The following GRM7 variants were observed in gnomAD, a reference collection of about 807,000 sequenced individuals.
GRM7 encodes glutamate metabotropic receptor 7, also known as metabotropic glutamate receptor 7.
Under a neutral mutation model 84.5 loss-of-function variants are expected in GRM7, and 35 were observed. That is an observed-to-expected ratio of 0.41 (90% CI 0.32 to 0.55). The LOEUF is 0.55. Among genes scored for constraint, GRM7 ranks in the 20% least tolerant of loss-of-function variants. The pLI is 0.19. For missense variants in GRM7, 1,003 were observed against 1,194.6 expected (o/e 0.84, Z 2.36); for synonymous variants, 487 against 455.1 (o/e 1.07, Z -0.89).
intron 4 of GRM7, among the ~76,000 whole-genome samples, chr3:7,380,328 C>A (rs1694534743): frequency 6.7e-6 from 1 of 149,616 alleles, no homozygotes; most frequent in African/African-American, 2.5e-5. Context: ...TAAGAAAACA[C>A]AGAAGTTATC....
chr3:7,564,819 A>G (rs957418544), intron 7 of GRM7, among the ~76,000 whole-genome samples: 10 of 152,158 alleles, frequency 6.6e-5, no homozygotes, highest in African/African-American at 2.4e-4. Context: ...CGATGAAGCC[A>G]GGCTTTGAAC....
At chr3:7,445,901 A>T (rs1028549217) in intron 5 of GRM7, among the ~76,000 whole-genome samples, 13 of 152,100 alleles carry the variant, frequency 8.5e-5, no homozygotes, top group African/African-American at 2.9e-4. Context: ...GAACCCAGCA[A>T]CATTCTGTAA....
intron 4 of GRM7, among the ~76,000 whole-genome samples, chr3:7,401,973 A>G (rs989847339): frequency 6.6e-6 from 1 of 152,174 alleles, no homozygotes; most frequent in African/African-American, 2.4e-5. Flanking sequence ...AGCAAGGAAT[A>G]TATCAAGGCC....
At chr3:7,408,552 G>A (rs968265630) in intron 4 of GRM7, among the ~76,000 whole-genome samples, 3 of 152,084 alleles carry the variant, frequency 2.0e-5, no homozygotes, top group African/African-American at 7.2e-5. Context: ...TAGCCAAGCC[G>A]ATTTACATGT....
chr3:7,657,326 G>A (rs1038000867), intron 8 of GRM7, among the ~76,000 whole-genome samples: 5 of 152,136 alleles, frequency 3.3e-5, no homozygotes, highest in Admixed American at 2.0e-4. Context: ...GCCATAACAC[G>A]CTGGTTAGAA....
intron 2 of GRM7, among the ~76,000 whole-genome samples, chr3:7,155,035 G>A (rs770568516): frequency 1.3e-5 from 2 of 152,040 alleles, no homozygotes; most frequent in Non-Finnish European, 2.9e-5. Context: ...AAAGTTTCAA[G>A]GATAGCCAGA....
intron 1 of GRM7, among the ~76,000 whole-genome samples, chr3:7,090,839 T>A (rs528494172): frequency 1.3e-5 from 2 of 152,190 alleles, no homozygotes; most frequent in African/African-American, 4.8e-5. Context: ...CCATGAGTCT[T>A]TGAAGTGCTT....
chr3:7,327,905 C>T (rs1409827135), intron 4 of GRM7, among the ~76,000 whole-genome samples: 1 of 152,176 alleles, frequency 6.6e-6, no homozygotes, highest in African/African-American at 2.4e-5. Context: ...TGTATCAGAA[C>T]ATTGTAAGTC....
chr3:7,291,536 CT>C (rs1699626199), intron 2 of GRM7, among the ~76,000 whole-genome samples: 1 of 111,302 alleles, frequency 9.0e-6, no homozygotes, highest in Non-Finnish European at 1.8e-5. Flanking sequence ...CTCTCTCTCT[CT>C]CTCTCTCTCT....
At chr3:6,999,493 A>G (rs1281576175) in intron 1 of GRM7, among the ~76,000 whole-genome samples, 2 of 152,132 alleles carry the variant, frequency 1.3e-5, no homozygotes, top group African/African-American at 4.8e-5. Flanking sequence ...TTGCTTCCAC[A>G]ATCGGGTACC....
chr3:7,172,344 A>G (rs1201945437), intron 2 of GRM7, among the ~76,000 whole-genome samples: 2 of 152,174 alleles, frequency 1.3e-5, no homozygotes, highest in Non-Finnish European at 2.9e-5. Flanking sequence ...TTCCAAAGGT[A>G]AGGAAGTGAA....
chr3:7,232,396 C>T (rs1697221753), intron 2 of GRM7, among the ~76,000 whole-genome samples: 1 of 152,118 alleles, frequency 6.6e-6, no homozygotes, highest in African/African-American at 2.4e-5. Context: ...GCTGGAAAGA[C>T]CCTAAGCATT....
chr3:7,232,708 T>C (rs964271397), intron 2 of GRM7, among the ~76,000 whole-genome samples: 1 of 152,186 alleles, frequency 6.6e-6, no homozygotes, highest in Non-Finnish European at 1.5e-5. Flanking sequence ...ATTTAACTTA[T>C]TGATTCAATA....
At chr3:7,233,056 C>T (rs548285661) in intron 2 of GRM7, among the ~76,000 whole-genome samples, 21 of 152,256 alleles carry the variant, frequency 1.4e-4, no homozygotes, top group African/African-American at 4.6e-4. Context: ...GTGTTGAATA[C>T]ATTTAAAGCT....
intron 1 of GRM7, among the ~76,000 whole-genome samples, chr3:7,145,995 C>T (rs1037744484): frequency 6.6e-6 from 1 of 152,152 alleles, no homozygotes; most frequent in Non-Finnish European, 1.5e-5. Context: ...GGAGACTATC[C>T]ACAATCAATC....
intron 9 of GRM7, among the ~76,000 whole-genome samples, chr3:7,731,386 C>G (rs554153055): frequency 6.6e-6 from 1 of 152,184 alleles, no homozygotes; most frequent in Non-Finnish European, 1.5e-5. Flanking sequence ...CCTCCTAGAG[C>G]TGACAATGAC....
At chr3:7,307,208 C>A (rs1700224212) in intron 4 of GRM7, among the ~76,000 whole-genome samples, 1 of 152,164 alleles carries the variant, frequency 6.6e-6, no homozygotes, top group South Asian at 2.1e-4. Context: ...TCTTTCTTTG[C>A]CTTCCTTGCT....
At chr3:7,261,163 C>T (rs1251257747) in intron 2 of GRM7, among the ~76,000 whole-genome samples, 1 of 152,068 alleles carries the variant, frequency 6.6e-6, no homozygotes, top group African/African-American at 2.4e-5. Flanking sequence ...GTGGATCTCC[C>T]AGTACCTGCA....
intron 2 of GRM7, among the ~76,000 whole-genome samples, chr3:7,175,074 G>T (rs1574992416): frequency 6.6e-6 from 1 of 152,316 alleles, no homozygotes; most frequent in East Asian, 1.9e-4. Flanking sequence ...TAGAAAAGGA[G>T]ATGAATGGAG....
Sources: gnomAD v4.1 joint callset for allele counts (sites outside exome capture counted in the v4.1 genomes callset) on GRCh38, gnomAD v4.1.1 for gene constraint, MANE v1.5 for transcripts, NCBI Gene and HGNC (gene_info 2026-07-23, HGNC 2026-07-21) for gene names.